The following RPAP2 variants were observed in gnomAD, a reference collection of about 807,000 sequenced individuals.
The protein encoded by RPAP2 is putative RNA polymerase II subunit B1 CTD phosphatase RPAP2.
Under a neutral mutation model 73.1 loss-of-function variants are expected in RPAP2, and 52 were observed. The observed-to-expected ratio is 0.71, with a 90% CI of 0.57 to 0.90. The LOEUF (loss-of-function observed/expected upper bound fraction) is 0.90. RPAP2 is among the 40% of genes least tolerant of loss of function. RPAP2 has a pLI of 0.00. For missense variants in RPAP2, 598 were observed against 701.8 expected, an observed-to-expected ratio of 0.85 and a Z score of 1.67; for synonymous variants, 225 against 242.1, an observed-to-expected ratio of 0.93 and a Z score of 0.65.
chr1:92,339,779 T>C (rs1653501246), intron 10 of RPAP2, among the ~76,000 whole-genome samples: 1 of 152,180 alleles, frequency 6.6e-6, no homozygotes, highest in South Asian at 2.1e-4. Context: ...ACTGCAGATA[T>C]GAGGAGACAT....
chr1:92,321,450 T>C (rs1414378612), intron 7 of RPAP2, among the ~76,000 whole-genome samples: 4 of 152,082 alleles, frequency 2.6e-5, no homozygotes, highest in Non-Finnish European at 2.9e-5. Context: ...TCCATGACCT[T>C]GCTTTCAACT....
At chr1:92,364,914 C>G (rs940060593) in intron 11 of RPAP2, among the ~76,000 whole-genome samples, 1 of 152,138 alleles carries the variant, frequency 6.6e-6, no homozygotes, top group Non-Finnish European at 1.5e-5. Context: ...CAGCTCCTAC[C>G]AGATAATTTT....
At chr1:92,345,267 G>A (rs1653813805) in intron 10 of RPAP2, among the ~76,000 whole-genome samples, 1 of 151,596 alleles carries the variant, frequency 6.6e-6, no homozygotes, top group Non-Finnish European at 1.5e-5. Context: ...TCAAGAGGCT[G>A]AGTCAGGAGG....
chr1:92,339,319 C>T (rs1483129018), intron 10 of RPAP2, among the ~76,000 whole-genome samples: 5 of 146,846 alleles, frequency 3.4e-5, no homozygotes, highest in Middle Eastern at 3.5e-3. Flanking sequence ...ACCCCACCCC[C>T]GCCCCCACAA....
At chr1:92,362,963 T>C (rs1654791848) in intron 11 of RPAP2, among the ~76,000 whole-genome samples, 1 of 152,130 alleles carries the variant, frequency 6.6e-6, no homozygotes, top group Non-Finnish European at 1.5e-5. Context: ...CCCAAACATA[T>C]AAAATTAAGT....
intron 11 of RPAP2, among the ~76,000 whole-genome samples, chr1:92,346,458 C>T (rs528425962): frequency 2.6e-5 from 4 of 152,266 alleles, no homozygotes; most frequent in African/African-American, 9.6e-5. Context: ...GCCACCACAC[C>T]CAGCCTGTTA....
At chr1:92,315,087 A>G (rs1272753073) in intron 6 of RPAP2, among the ~76,000 whole-genome samples, 4 of 152,104 alleles carry the variant, frequency 2.6e-5, no homozygotes, top group Non-Finnish European at 4.4e-5. Flanking sequence ...TCAGAGAGAC[A>G]GAGGTCTTGT....
At chr1:92,369,055 A>G (rs1289665352) in intron 11 of RPAP2, among the ~76,000 whole-genome samples, 1 of 152,232 alleles carries the variant, frequency 6.6e-6, no homozygotes. Context: ...GTGTTAAGCC[A>G]TCTTAAGTGT....
chr1:92,376,369 G>C (rs934576947), intron 11 of RPAP2, among the ~76,000 whole-genome samples: 1 of 152,054 alleles, frequency 6.6e-6, no homozygotes, highest in African/African-American at 2.4e-5. Flanking sequence ...TTCAGTTAAA[G>C]ATTAAAAGGG....
intron 10 of RPAP2, 81 bp downstream of exon 10, chr1:92,336,508 A>G (rs1334044714): frequency 6.6e-6 from 6 of 906,444 alleles, no homozygotes; most frequent in South Asian, 1.4e-5. Flanking sequence ...GCACAGAGAA[A>G]GTAAGTGACT....
chr1:92,394,950 T>C lies in RPAP2; in HGVS notation c.*7939T>C, dbSNP rs1031504641. On this transcript the variant is annotated 3_prime_UTR_variant, in exon 13 of 13. Coordinates refer to ENST00000610020, the MANE Select transcript of RPAP2 (RefSeq NM_024813.3). ...TACATTAATCAAGACAGTGTGGTAC[T>C]GATATAAAGATAGGCATACAGATCA... 2 of 152,212 alleles carry C rather than the reference T, an allele frequency of 1.3e-5. No homozygotes were observed. Among genetic ancestry groups the C allele is most frequent in the African/African-American group, 4.8e-5 (2 of 41,464 alleles). 9.4% of individuals were successfully genotyped at this position (152,212 alleles called of 1,614,324 possible). A position where few individuals can be genotyped will look rare whatever the true frequency, so the allele number is the denominator to read the frequency against.
At position 92,299,165 on chromosome 1, in the gene RPAP2, T is replaced by C; in HGVS notation, c.73+19T>C. ...GCCGCAGGTAGGAGCAAGGATCTCT[T>C]CCCACTTTTGGACCCTGAAAGCTGG... On this transcript the variant is annotated intron_variant, in intron 1 of 12. Coordinates refer to ENST00000610020, the MANE Select transcript of RPAP2 (RefSeq NM_024813.3). 1 of 1,466,532 alleles carries C rather than the reference T, an allele frequency of 6.8e-7. No homozygotes were observed. The highest frequency in any genetic ancestry group is 9.1e-7 in the Non-Finnish European group (1 of 1,093,996). The allele number at this position is 1,466,532 out of a possible 1,614,324, so 90.8% of individuals were successfully genotyped here. A position where few individuals can be genotyped will look rare whatever the true frequency, so the allele number is the denominator to read the frequency against.
intron 6 of RPAP2, among the ~76,000 whole-genome samples, chr1:92,307,723 G>A (rs1474406650): frequency 3.6e-5 from 2 of 55,954 alleles, no homozygotes; most frequent in Admixed American, 2.1e-4. Context: ...CAATTAAAAA[G>A]TAATTTTTTT....
chr1:92,376,533 T>C (rs1655394339), intron 11 of RPAP2, among the ~76,000 whole-genome samples: 1 of 152,210 alleles, frequency 6.6e-6, no homozygotes. Flanking sequence ...TATCTATTTG[T>C]TTGATGACTT....
chr1:92,363,001 G>A (rs570560959), intron 11 of RPAP2, among the ~76,000 whole-genome samples: 2 of 152,220 alleles, frequency 1.3e-5, no homozygotes, highest in South Asian at 4.1e-4. Context: ...TGCAGCCAAG[G>A]TTATACATTG....
At chr1:92,383,017 A>G (rs1379442122) in intron 12 of RPAP2, among the ~76,000 whole-genome samples, 2 of 152,230 alleles carry the variant, frequency 1.3e-5, no homozygotes, top group African/African-American at 2.4e-5. Context: ...ACCATTTATT[A>G]AATAGGGAAT....
chr1:92,343,378 A>T (rs998879255), intron 10 of RPAP2, among the ~76,000 whole-genome samples: 23 of 152,204 alleles, frequency 1.5e-4, no homozygotes, highest in African/African-American at 5.3e-4. Context: ...TTTCACAGCC[A>T]TCAAACAACG....
rs2101476429 is a variant in RPAP2, at chr1:92,399,383, C to G, written c.*12372C>G. 6.6e-6 allele frequency: 1 copy of G among 152,172 alleles called. No homozygotes were observed. Among genetic ancestry groups the G allele is most frequent in the East Asian group, 1.9e-4 (1 of 5,154 alleles). The allele number at this position is 152,172 out of a possible 1,614,324, so 9.4% of individuals were successfully genotyped here. A position where few individuals can be genotyped will look rare whatever the true frequency, so the allele number is the denominator to read the frequency against. The stretch of plus-strand genomic sequence containing the variant: ...AAAGAAAGTGGAAGCTGGTTCTTTT[C>G]TGGGTGACCCTTCACCCAACCAAGC... On this transcript the variant is annotated 3_prime_UTR_variant, in exon 13 of 13. Coordinates refer to ENST00000610020, the MANE Select transcript of RPAP2 (RefSeq NM_024813.3).
At chr1:92,382,646 G>A (rs1338926928) in intron 12 of RPAP2, among the ~76,000 whole-genome samples, 1 of 152,196 alleles carries the variant, frequency 6.6e-6, no homozygotes, top group Non-Finnish European at 1.5e-5. Flanking sequence ...ATTTGTTTGA[G>A]TTCATTGTAG....
Sources: allele counts gnomAD v4.1 joint callset (sites outside exome capture counted in the v4.1 genomes callset), GRCh38; gene constraint gnomAD v4.1.1; transcripts MANE v1.5; gene names NCBI Gene and HGNC (gene_info 2026-07-23, HGNC 2026-07-21).